Variants in MYO7A observed in about 807,000 individuals in gnomAD.
The protein encoded by MYO7A is myosin VIIA.
In MYO7A, 210 loss-of-function variants were observed where a neutral mutation model predicts 263.8. That is an observed-to-expected ratio of 0.80 (90% CI 0.71 to 0.89). The LOEUF (loss-of-function observed/expected upper bound fraction) is 0.89. Among genes scored for constraint, MYO7A ranks in the 40% least tolerant of loss-of-function variants. The probability of loss-of-function intolerance (pLI) is 0.00; values close to 1 mark genes in which losing one functional copy is unlikely to be tolerated. For synonymous variants in MYO7A, 1,239 were observed against 1,197.3 expected, an observed-to-expected ratio of 1.03 and a Z score of -0.72; for missense variants, 2,820 against 2,968.3, an observed-to-expected ratio of 0.95 and a Z score of 1.16.
At chr11:77,170,132 G>C (rs980140604) in intron 15 of MYO7A, among the ~76,000 whole-genome samples, 5 of 152,158 alleles carry the variant, frequency 3.3e-5, no homozygotes, top group Admixed American at 1.3e-4. Context: ...GTATCAGATG[G>C]TGAGATGTAG....
chr11:77,173,727 G>A (rs567711228), intron 16 of MYO7A, among the ~76,000 whole-genome samples: 17 of 152,236 alleles, frequency 1.1e-4, no homozygotes, highest in African/African-American at 2.9e-4. Context: ...AACAGTCTCC[G>A]GAAGCTGACA....
At chr11:77,197,699 C>G in intron 33 of MYO7A, 101 bp downstream of exon 33, 1 of 675,058 alleles carries the variant, frequency 1.5e-6, no homozygotes, top group South Asian at 1.8e-5. Context: ...CTCCCAGTCC[C>G]TTGCTCTGTA....
intron 35 of MYO7A, among the ~76,000 whole-genome samples, chr11:77,200,264 C>A (rs561933881): frequency 5.1e-4 from 77 of 151,076 alleles, no homozygotes; most frequent in African/African-American, 1.6e-3. Context: ...GTGAGACCTC[C>A]TCTCTTAAAA....
At chr11:77,188,593 G>A (rs1348417850) in intron 27 of MYO7A, among the ~76,000 whole-genome samples, 1 of 151,732 alleles carries the variant, frequency 6.6e-6, no homozygotes, top group Non-Finnish European at 1.5e-5. Flanking sequence ...TGCAGTCTTA[G>A]AGTACTCAGT....
chr11:77,189,551 G>C, intron 28 of MYO7A, 81 bp downstream of exon 28: 1 of 1,570,848 alleles, frequency 6.4e-7, no homozygotes, highest in Non-Finnish European at 8.7e-7. Context: ...ATAGCCAGGG[G>C]CTCCAAAGGG....
rs782292032 is a variant in MYO7A, at chr11:77,147,952, T to G, written c.285+2T>G. On this transcript the variant is annotated splice_donor_variant, in intron 4 of 48. Coordinates refer to ENST00000409709, the MANE Select transcript of MYO7A (RefSeq NM_000260.4). LOFTEE classifies it high-confidence loss of function. ...CGCTACCGGGACCACCTCATCTACGTGAGTGCCGCCCCGCCCGGTGCCCGT... is the reference window on the plus strand; with the variant it reads ...CGCTACCGGGACCACCTCATCTACGGGAGTGCCGCCCCGCCCGGTGCCCGT... The G allele has an allele frequency of 2.6e-6, 4 of 1,543,160 alleles. No homozygotes were observed. The highest frequency in any genetic ancestry group is 1.7e-6 in the Non-Finnish European group (2 of 1,143,316).
chr11:77,211,052 T>G (rs931337257), intron 44 of MYO7A, 100 bp from the exon 45 acceptor site: 1 of 1,133,382 alleles, frequency 8.8e-7, no homozygotes, highest in South Asian at 1.6e-5. Context: ...ATGTGCGGGG[T>G]AAGGTGGTAG....
At chr11:77,213,767 C>T (rs1958006221) in intron 47 of MYO7A, 93 bp from the exon 48 acceptor site, 2 of 1,580,614 alleles carry the variant, frequency 1.3e-6, no homozygotes, top group Non-Finnish European at 1.7e-6. Context: ...ATGGGCTCCT[C>T]TGAGGGCCTG....
chr11:77,199,286 T>C (rs546638544), intron 34 of MYO7A, among the ~76,000 whole-genome samples: 2 of 152,274 alleles, frequency 1.3e-5, no homozygotes, highest in African/African-American at 2.4e-5. Flanking sequence ...TTTTAAAGCA[T>C]GGTATGATCA....
intron 47 of MYO7A, 73 bp downstream of exon 47, chr11:77,213,108 C>A: frequency 1.7e-6 from 2 of 1,190,210 alleles, no homozygotes; most frequent in Non-Finnish European, 2.4e-6. Context: ...CAGAACGAAC[C>A]CCACAAGCCC....
At chr11:77,155,846 T>C in intron 4 of MYO7A, 61 bp from the exon 5 acceptor site, 1 of 1,485,824 alleles carries the variant, frequency 6.7e-7, no homozygotes, top group East Asian at 2.5e-5. Flanking sequence ...GCCCAAGAGC[T>C]TTCTAGAGTC....
intron 4 of MYO7A, among the ~76,000 whole-genome samples, chr11:77,149,835 G>A (rs1951842774): frequency 6.6e-6 from 1 of 152,126 alleles, no homozygotes; most frequent in Admixed American, 6.5e-5. Context: ...GCAGGGCATG[G>A]GGGGCTCTTC....
chr11:77,212,078 C>T, intron 46 of MYO7A, 141 bp downstream of exon 46: 1 of 750,010 alleles, frequency 1.3e-6, no homozygotes, highest in Non-Finnish European at 2.3e-6. Context: ...CACCCTCAGC[C>T]TTGTCCCAGC....
chr11:77,193,128 G>A (rs1956318111), intron 31 of MYO7A, among the ~76,000 whole-genome samples: 1 of 146,232 alleles, frequency 6.8e-6, no homozygotes, highest in Admixed American at 7.0e-5. Flanking sequence ...GGTGGAGGTA[G>A]CGATGCTGTT....
intron 2 of MYO7A, among the ~76,000 whole-genome samples, chr11:77,131,371 C>G (rs561093133): frequency 6.6e-6 from 1 of 152,340 alleles, no homozygotes; most frequent in African/African-American, 2.4e-5. Flanking sequence ...GCCTGGCCAC[C>G]CTGAGGCTGC....
At chr11:77,132,558 G>A (rs1172405702) in intron 2 of MYO7A, among the ~76,000 whole-genome samples, 2 of 152,070 alleles carry the variant, frequency 1.3e-5, no homozygotes, top group Non-Finnish European at 2.9e-5. Context: ...GCATGATTTT[G>A]GCTCACTGCA....
At position 77,133,694 on chromosome 11, in the gene MYO7A, C is replaced by T. The variant is rs116444483; in HGVS notation, c.18+3042C>T. ...TTTTGTTTTTATCCATTCTGCCAGT[C>T]TTTACCTTTTGGTTGGAGAGTTTAA... is the stretch of plus-strand genomic sequence containing the variant. On this transcript the variant is annotated intron_variant, in intron 2 of 48. Coordinates refer to ENST00000409709, the MANE Select transcript of MYO7A (RefSeq NM_000260.4). Among the ~76,000 whole-genome samples the T allele has an allele frequency of 5.0e-3, 757 of 152,230 alleles. 11 individuals are homozygous for T. The highest frequency in any genetic ancestry group is 0.017 in the African/African-American group (713 of 41,546).
rs1372647965 is a variant in MYO7A, at chr11:77,190,690, C to A, written c.3751-7C>A. 1.3e-6 allele frequency: 2 copies of A among 1,583,068 alleles called. No individual in the cohort carries two copies. Among genetic ancestry groups the A allele is most frequent in the Non-Finnish European group, 1.7e-6 (2 of 1,166,078 alleles). ...GGACCCCACAAACCCTCTTGGGGCA[C>A]TTCCAGGCCACCAAGTCCAAGAAGC... On this transcript the variant is annotated splice_region_variant and splice_polypyrimidine_tract_variant and intron_variant, in intron 29 of 48. Coordinates refer to ENST00000409709, the MANE Select transcript of MYO7A (RefSeq NM_000260.4).
chr11:77,147,712 C>T (rs1353987371), intron 3 of MYO7A, 86 bp from the exon 4 acceptor site: 1 of 1,548,102 alleles, frequency 6.5e-7, no homozygotes, highest in African/African-American at 1.4e-5. Flanking sequence ...GGCACTCACC[C>T]CGCGCTCCCG....
Sources: allele counts gnomAD v4.1 joint callset (sites outside exome capture counted in the v4.1 genomes callset), GRCh38; gene constraint gnomAD v4.1.1; transcripts MANE v1.5; gene names NCBI Gene and HGNC (gene_info 2026-07-23, HGNC 2026-07-21).